Variants in SGCA observed in about 807,000 individuals in gnomAD.
The protein encoded by SGCA is alpha-sarcoglycan.
A neutral mutation model predicts 38.1 loss-of-function variants in SGCA; 34 were observed. The ratio of observed to expected loss-of-function variants is 0.89; its 90% confidence interval spans 0.68 to 1.19. The LOEUF (loss-of-function observed/expected upper bound fraction) is 1.19. Among genes scored for constraint, SGCA ranks in the 50% most tolerant of loss-of-function variants. The probability of loss-of-function intolerance (pLI) is 0.00; values close to 1 mark genes in which losing one functional copy is unlikely to be tolerated. For synonymous variants in SGCA, 209 were observed against 214.6 expected, an observed-to-expected ratio of 0.97 and a Z score of 0.23; for missense variants, 476 against 524.9, an observed-to-expected ratio of 0.91 and a Z score of 0.91.
chr17:50,167,883 C>T lies in SGCA; in HGVS notation c.313-64C>T, dbSNP rs749819164. Reference sequence around the variant, plus strand: ...ATTTGGTATCTGAGTCCTCTCCTGCCAGGCCCCCGCTGTGCCACGTTTCTC... The same window carrying T: ...ATTTGGTATCTGAGTCCTCTCCTGCTAGGCCCCCGCTGTGCCACGTTTCTC... On this transcript the variant is annotated intron_variant, in intron 3 of 9. Coordinates refer to ENST00000262018, the MANE Select transcript of SGCA (RefSeq NM_000023.4). The surrounding 1 kb of genome is among the most constrained non-coding windows in gnomAD (Gnocchi z 4.5). 34 of 1,556,904 alleles carry T rather than the reference C, an allele frequency of 2.2e-5. No homozygotes were observed. Among genetic ancestry groups the T allele is most frequent in the Admixed American group, 1.7e-5 (1 of 59,954 alleles).
rs1436339727 is a variant in SGCA at position 50,170,321 on chromosome 17, C to T, written c.926C>T (p.Ala309Val). Residue 309 changes from alanine (A) to valine (V), a missense_variant, in exon 7 of 10, where the codon GCC (alanine) becomes GTC (valine). Ala to Val is a moderately conservative substitution (Grantham distance 64). Transcript: ENST00000262018. ...GCCCTGCTTCTCACCTTGCTGCTGG[C>T]CTATGTCATGTGCTGCCGGCGGGAG... ...LVALLLTLLL[A>V]YVMCCRREGR... The T allele has an allele frequency of 6.2e-7, 1 of 1,614,112 alleles. No individual in the cohort carries two copies. The highest frequency in any genetic ancestry group is 8.5e-7 in the Non-Finnish European group (1 of 1,179,966).
intron 4 of SGCA, among the ~76,000 whole-genome samples, 165 bp downstream of exon 4, chr17:50,168,184 C>T (rs1212278170): frequency 6.6e-6 from 1 of 152,198 alleles, no homozygotes; most frequent in Non-Finnish European, 1.5e-5. Context: ...GGCTGGGATT[C>T]CAGGCTCTGG....
In SGCA at chr17:50,168,543, C is replaced by A. The variant is rs201518390; in HGVS notation, c.555C>A (p.Val185=). The part of the protein sequence containing the change: ...VTSALDRGGR[V]PLPIEGRKEG... ...CTGCCTTGGACCGTGGGGGCCGTGT[C>A]CCCCTTCCCATTGAGGGCCGAAAAG... Residue 185 remains valine (V), a synonymous_variant, in exon 5 of 10, where the codon GTC becomes GTA. Transcript: ENST00000262018. 59 of 1,573,584 alleles carry A rather than the reference C, an allele frequency of 3.7e-5. No individual in the cohort carries two copies. In the South Asian group the frequency reaches 5.1e-4, roughly 14 times the overall value.
intron 4 of SGCA, 53 bp downstream of exon 4, chr17:50,168,072 C>A: frequency 6.6e-7 from 1 of 1,519,740 alleles, no homozygotes; most frequent in Non-Finnish European, 9.1e-7. Flanking sequence ...CTTGGGGAAT[C>A]TCTCCCGGAG....
At chr17:50,169,607 T>C (rs1220861205) in intron 6 of SGCA, 1 of 349,352 alleles carries the variant, frequency 2.9e-6, no homozygotes, top group Non-Finnish European at 5.3e-6. Flanking sequence ...GACAGCTCTG[T>C]CTGCTTTTCT....
At chr17:50,175,604 C>A in intron 9 of SGCA, 108 bp from the exon 10 acceptor site, 1 of 736,294 alleles carries the variant, frequency 1.4e-6, no homozygotes, top group Non-Finnish European at 2.4e-6. Flanking sequence ...CTCACCAGTG[C>A]CAGGGCTATG....
chr17:50,172,963 C>T (rs1905579131), intron 8 of SGCA, among the ~76,000 whole-genome samples: 1 of 152,192 alleles, frequency 6.6e-6, no homozygotes, highest in Non-Finnish European at 1.5e-5. Context: ...TTTTATTCCT[C>T]AATTTTTTTG....
At chr17:50,168,229 G>C in intron 4 of SGCA, 145 bp from the exon 5 acceptor site, 1 of 824,728 alleles carries the variant, frequency 1.2e-6, no homozygotes, top group East Asian at 2.7e-5. Context: ...GAGACTATTG[G>C]GACTTGGCTT....
chr17:50,170,065 CCTGG>C, intron 6 of SGCA, 74 bp from the exon 7 acceptor site: 1 of 1,255,772 alleles, frequency 8.0e-7, no homozygotes, highest in East Asian at 2.4e-5. Flanking sequence ...GCCTCCTAGT[CCTGG>C]CCCCTGCCAT....
Position 50,175,852 on chromosome 17 carries a change from G to T in SGCA, c.*153G>T, listed in dbSNP as rs1312552200. ...AGGGAGAGGGGGTGGGGTGGGGTGAGAGTGTGTGGAGTAAGGACATTCAGA... is the reference window on the plus strand; with the variant it reads ...AGGGAGAGGGGGTGGGGTGGGGTGATAGTGTGTGGAGTAAGGACATTCAGA... On this transcript the variant is annotated 3_prime_UTR_variant, in exon 10 of 10. Transcript: ENST00000262018. 5 of 470,552 alleles carry T rather than the reference G, an allele frequency of 1.1e-5. No homozygotes were observed. The highest frequency in any genetic ancestry group is 2.1e-5 in the Non-Finnish European group (5 of 236,888). The allele number at this position is 470,552 out of a possible 1,614,324, so 29.1% of individuals were successfully genotyped here.
At chr17:50,173,371 G>C (rs1404199213) in intron 8 of SGCA, among the ~76,000 whole-genome samples, 1 of 152,178 alleles carries the variant, frequency 6.6e-6, no homozygotes, top group African/African-American at 2.4e-5. Context: ...GTTGGTGGTG[G>C]AGTGGGTGTG....
intron 8 of SGCA, chr17:50,171,645 C>G (rs547137630): frequency 4.4e-5 from 20 of 456,888 alleles, no homozygotes; most frequent in South Asian, 2.5e-4. Context: ...GTCGTTGCCT[C>G]TTGACCTTGA....
intron 6 of SGCA, 193 bp downstream of exon 6, chr17:50,169,447 C>CA (rs1555569106): frequency 3.5e-5 from 15 of 427,458 alleles, no homozygotes; most frequent in African/African-American, 3.1e-4. Flanking sequence ...ACACACACAC[C>CA]CCTGAAGTTC....
At chr17:50,170,119 G>T in intron 6 of SGCA, 24 bp from the exon 7 acceptor site, 1 of 1,609,158 alleles carries the variant, frequency 6.2e-7, no homozygotes, top group Non-Finnish European at 8.5e-7. Flanking sequence ...CACTTCCTGC[G>T]TCAGCCCTGA....
intron 6 of SGCA, chr17:50,169,559 C>T: frequency 2.2e-6 from 1 of 450,138 alleles, no homozygotes; most frequent in Non-Finnish European, 4.0e-6. Context: ...TATCACAGTC[C>T]AGTTCCCAAA....
At position 50,167,977 on chromosome 17, in the gene SGCA, A is replaced by G. The variant is rs757198700; in HGVS notation, c.343A>G (p.Thr115Ala). Residue 115 changes from threonine to alanine, a missense_variant, in exon 4 of 10, where the codon ACC (threonine) becomes GCC (alanine). Physicochemically the swap from Thr to Ala is moderately conservative, Grantham distance 58. Transcript: ENST00000262018. This position sits in a 1 kb window ranked among gnomAD's most constrained non-coding sequence, Gnocchi z 4.5. ...AGCCTACAATCGGGACAGCTTTGAT[A>G]CCACTCGGCAGAGGCTGGTGCTGGA... ...VTAYNRDSFD[T>A]TRQRLVLEIG... 1 of 1,614,110 alleles carries G rather than the reference A, an allele frequency of 6.2e-7. No individual in the cohort carries two copies. The highest frequency in any genetic ancestry group is 1.1e-5 in the South Asian group (1 of 91,076).
chr17:50,172,559 C>T (rs868595485), intron 8 of SGCA: 1 of 297,434 alleles, frequency 3.4e-6, no homozygotes, highest in South Asian at 3.0e-5. Context: ...TAGCTCACTG[C>T]AACCTCAGAC....
At chr17:50,172,584 C>T (rs779547540) in intron 8 of SGCA, among the ~76,000 whole-genome samples, 1 of 152,184 alleles carries the variant, frequency 6.6e-6, no homozygotes, top group Admixed American at 6.5e-5. Context: ...TGGGCTCAAG[C>T]GATCCTCCCA....
chr17:50,166,678 CCACACACACCCT>C (rs887356150), intron 1 of SGCA, among the ~76,000 whole-genome samples: 9 of 142,264 alleles, frequency 6.3e-5, no homozygotes, highest in South Asian at 4.5e-4. Flanking sequence ...ACACACACAC[CCACACACACCCT>C]CACACACACC....
Sources: gnomAD v4.1 joint callset for allele counts (sites outside exome capture counted in the v4.1 genomes callset) on GRCh38, gnomAD v4.1.1 for gene constraint, Gnocchi (gnomAD v3.1) non-coding constraint, MANE v1.5 for transcripts, NCBI Gene and HGNC (gene_info 2026-07-23, HGNC 2026-07-21) for gene names.